COL27A1: variants seen among roughly 807,000 people sequenced by gnomAD.
The protein encoded by COL27A1 is collagen type XXVII alpha 1 chain.
A neutral mutation model predicts 251.3 loss-of-function variants in COL27A1; 106 were observed. That is an observed-to-expected ratio of 0.42 (90% CI 0.36 to 0.50). The LOEUF (loss-of-function observed/expected upper bound fraction) is 0.50, where lower values mean the gene tolerates loss of function less well. Ranked by LOEUF, COL27A1 falls within the 20% of genes least tolerant of loss-of-function variation. COL27A1 has a pLI of 0.00. For missense variants in COL27A1, 2,325 were observed against 2,522.8 expected (o/e 0.92, Z 1.68); for synonymous variants, 1,000 against 986.3 (o/e 1.01, Z -0.26).
At chr9:114,201,363 C>T (rs1053081689) in intron 7 of COL27A1, among the ~76,000 whole-genome samples, 1 of 152,242 alleles carries the variant, frequency 6.6e-6, no homozygotes, top group Non-Finnish European at 1.5e-5. Flanking sequence ...TCTTGCAGGT[C>T]TGGGGCCCTG....
At chr9:114,236,229 A>G (rs756928741) in intron 17 of COL27A1, among the ~76,000 whole-genome samples, 105 of 152,040 alleles carry the variant, frequency 6.9e-4, no homozygotes, top group Non-Finnish European at 2.4e-4. Context: ...TCTGAGAGGC[A>G]TGTCCTCCCC....
intron 25 of COL27A1, among the ~76,000 whole-genome samples, chr9:114,250,870 C>T (rs1480130806): frequency 6.6e-6 from 1 of 152,150 alleles, no homozygotes; most frequent in East Asian, 1.9e-4. Flanking sequence ...CTGTCATCAG[C>T]CTCAAGCACA....
intron 50 of COL27A1, chr9:114,300,347 T>C: frequency 1.7e-6 from 1 of 597,684 alleles, no homozygotes; most frequent in Non-Finnish European, 3.0e-6. Context: ...TTAGTCTCTC[T>C]AAGCCTTGGT....
chr9:114,163,388 T>C (rs2135032433), intron 2 of COL27A1, among the ~76,000 whole-genome samples: 1 of 148,974 alleles, frequency 6.7e-6, no homozygotes, highest in Middle Eastern at 3.5e-3. Flanking sequence ...GTCCAATGAG[T>C]GCTCTAAGAA....
chr9:114,301,869 A>G (rs1219564318), intron 55 of COL27A1, 152 bp downstream of exon 55: 2 of 931,932 alleles, frequency 2.1e-6, no homozygotes, highest in Admixed American at 4.9e-5. Flanking sequence ...GCATCCCCCG[A>G]ACATTCACTT....
chr9:114,278,458 ATGG>A (rs1420703634), intron 37 of COL27A1, among the ~76,000 whole-genome samples: 1 of 11,066 alleles, frequency 9.0e-5, no homozygotes, highest in African/African-American at 2.8e-4. Flanking sequence ...GGCACTGATG[ATGG>A]TGGTGGTGAT....
intron 49 of COL27A1, among the ~76,000 whole-genome samples, 173 bp downstream of exon 49, chr9:114,292,383 G>A (rs1588884472): frequency 2.0e-5 from 3 of 152,248 alleles, no homozygotes; most frequent in Non-Finnish European, 2.9e-5. Context: ...ATACCATTCT[G>A]CCACCCCTCA....
chr9:114,277,388 T>A (rs940650543), intron 37 of COL27A1, among the ~76,000 whole-genome samples: 9 of 152,050 alleles, frequency 5.9e-5, no homozygotes, highest in African/African-American at 2.2e-4. Flanking sequence ...TCACTCTTCA[T>A]CCCTCAAGCG....
intron 49 of COL27A1, among the ~76,000 whole-genome samples, chr9:114,296,350 C>T (rs1661649993): frequency 6.6e-6 from 1 of 152,168 alleles, no homozygotes; most frequent in African/African-American, 2.4e-5. Context: ...ACTCGCAAAA[C>T]TCAATAATAA....
intron 28 of COL27A1, among the ~76,000 whole-genome samples, chr9:114,261,648 A>G (rs894322243): frequency 5.9e-5 from 9 of 152,208 alleles, no homozygotes; most frequent in Non-Finnish European, 1.0e-4. Flanking sequence ...GTCTTCTCCA[A>G]CACCAGGCCC....
At chr9:114,240,586 C>T in intron 21 of COL27A1, 99 bp downstream of exon 21, 1 of 1,195,356 alleles carries the variant, frequency 8.4e-7, no homozygotes, top group Non-Finnish European at 1.2e-6. Context: ...GGGCTGGAGC[C>T]CCCTCAGCCA....
At chr9:114,294,809 A>G (rs1828154004) in intron 49 of COL27A1, among the ~76,000 whole-genome samples, 1 of 152,276 alleles carries the variant, frequency 6.6e-6, no homozygotes, top group Non-Finnish European at 1.5e-5. Flanking sequence ...CACCACTTCT[A>G]TTCAACATTG....
intron 12 of COL27A1, chr9:114,217,971 AG>A (rs947305863): frequency 2.6e-6 from 1 of 382,260 alleles, no homozygotes; most frequent in African/African-American, 2.1e-5. Flanking sequence ...AAAATTAGCC[AG>A]GTGTAGTGGT....
At chr9:114,305,051 T>C (rs1158307834) in intron 57 of COL27A1, among the ~76,000 whole-genome samples, 1 of 152,196 alleles carries the variant, frequency 6.6e-6, no homozygotes, top group East Asian at 1.9e-4. Context: ...AGCTCATGGT[T>C]AGCTCGTGGG....
At chr9:114,181,385 C>T (rs1341016108) in intron 4 of COL27A1, among the ~76,000 whole-genome samples, 1 of 152,086 alleles carries the variant, frequency 6.6e-6, no homozygotes, top group African/African-American at 2.4e-5. Flanking sequence ...GGGAGGGTCC[C>T]AGTTCAGGCA....
intron 14 of COL27A1, among the ~76,000 whole-genome samples, chr9:114,224,373 G>A (rs57799619): frequency 0.011 from 1,633 of 152,284 alleles, 15 homozygotes; most frequent in Middle Eastern, 0.02. Flanking sequence ...GATGGAGCCC[G>A]AGTCGTCCTC....
rs1011847015 is a variant in COL27A1 at position 114,188,427 on chromosome 9, G to T, written c.2016+5352G>T. On this transcript the variant is annotated intron_variant, in intron 5 of 60. Coordinates refer to ENST00000356083, the MANE Select transcript of COL27A1 (RefSeq NM_032888.4). ...CCCACCTCACTACCATTTGCTGCTT[G>T]TATGACTTTGGGCAAGTTACTTAAA... Among the ~76,000 whole-genome samples the T allele has an allele frequency of 2.6e-5, 4 of 152,118 alleles. No homozygotes were observed. The East Asian group carries it at 7.7e-4, about 29-fold the overall frequency.
chr9:114,301,833 C>A, intron 55 of COL27A1, 116 bp downstream of exon 55: 1 of 1,044,862 alleles, frequency 9.6e-7, no homozygotes, highest in Non-Finnish European at 1.4e-6. Context: ...GTTCTTGTAG[C>A]CCACAGACTC....
chr9:114,201,255 C>T (rs765637421), intron 7 of COL27A1, among the ~76,000 whole-genome samples: 15 of 152,238 alleles, frequency 9.9e-5, no homozygotes, highest in Non-Finnish European at 1.8e-4. Context: ...AGTCAGGCAC[C>T]GATCGCAAAC....
Sources: allele counts gnomAD v4.1 joint callset (sites outside exome capture counted in the v4.1 genomes callset), GRCh38; gene constraint gnomAD v4.1.1; transcripts MANE v1.5; gene names NCBI Gene and HGNC (gene_info 2026-07-23, HGNC 2026-07-21).